The following RBFOX1 variants were observed in gnomAD, a reference collection of about 807,000 sequenced individuals.
RBFOX1 encodes the protein RNA binding fox-1 homolog 1.
RBFOX1 carries 8 observed loss-of-function variants against 57.7 expected under a neutral mutation model. The observed-to-expected ratio is 0.14, with a 90% confidence interval of 0.08 to 0.25. The LOEUF (loss-of-function observed/expected upper bound fraction) is 0.25, where lower values mean the gene tolerates loss of function less well. Among genes scored for constraint, RBFOX1 ranks in the 10% least tolerant of loss-of-function variants. RBFOX1 has a pLI of 1.00. For missense variants in RBFOX1, 611 were observed against 548.5 expected (o/e 1.11, Z -1.14); for synonymous variants, 326 against 222.4 (o/e 1.47, Z -4.15).
rs77170080 is a variant in RBFOX1, at chr16:5,354,989, A to G, written c.220-112227A>G. The stretch of plus-strand genomic sequence containing the variant: ...GATCAGCAGAGGTTGGAAGGGGTGA[A>G]GGGATGTGTATGTGTATATGAGAGA... On this transcript the variant is annotated intron_variant, in intron 1 of 2. Coordinates refer to the RBFOX1 transcript ENST00000585867. Among the ~76,000 whole-genome samples, 620 of 128,326 alleles carry G rather than the reference A, an allele frequency of 4.8e-3. 6 individuals carry two copies. The highest frequency in any genetic ancestry group is 0.015 in the African/African-American group (576 of 39,172). 84.2% of individuals were successfully genotyped at this position (128,326 alleles called of 152,430 possible). A position where few individuals can be genotyped will look rare whatever the true frequency, so the allele number is the denominator to read the frequency against.
intron 3 of RBFOX1, among the ~76,000 whole-genome samples, chr16:6,667,188 G>C (rs1051174096): frequency 6.6e-6 from 1 of 152,142 alleles, no homozygotes; most frequent in Admixed American, 6.5e-5. Flanking sequence ...ATTAGCCTCT[G>C]ATGGGCCGGA....
intron 3 of RBFOX1, among the ~76,000 whole-genome samples, chr16:6,804,706 C>G (rs116875359): frequency 1.3e-5 from 2 of 152,132 alleles, no homozygotes; most frequent in Non-Finnish European, 2.9e-5. Context: ...TCACACATGA[C>G]TGGGGCAGAA....
rs57684251 is a variant in RBFOX1 at position 6,871,911 on chromosome 16, C to CTGTGTGTGTG, written c.-15-180104_-15-180095dup. Among the ~76,000 whole-genome samples the CTGTGTGTGTG allele has an allele frequency of 4.1e-3, 535 of 129,654 alleles. 4 individuals are homozygous for CTGTGTGTGTG. Among genetic ancestry groups the CTGTGTGTGTG allele is most frequent in the South Asian group, 0.012 (44 of 3,586 alleles). 85.1% of individuals were successfully genotyped at this position (129,654 alleles called of 152,430 possible). A position where few individuals can be genotyped will look rare whatever the true frequency, so the allele number is the denominator to read the frequency against. On this transcript the variant is annotated intron_variant, in intron 3 of 15. Coordinates refer to ENST00000550418, the MANE Select transcript of RBFOX1 (RefSeq NM_018723.4). ...AGGCTCTTTGAGAGAGGGAGAGAGT[C>CTGTGTGTGTG]TGTGTGTGTGTGTGTGTGTGTGTGT...
chr16:6,126,306 C>G lies in RBFOX1; in HGVS notation c.-127+106314C>G, dbSNP rs114974908. Among the ~76,000 whole-genome samples the G allele has an allele frequency of 8.1e-3, 1,228 of 152,344 alleles. 16 individuals carry two copies. Among genetic ancestry groups the G allele is most frequent in the African/African-American group, 0.028 (1,180 of 41,580 alleles). On this transcript the variant is annotated intron_variant, in intron 1 of 15. Coordinates refer to ENST00000550418, the MANE Select transcript of RBFOX1 (RefSeq NM_018723.4). ...CCTTCGCAGGCCGTTGGTGTTAGCCCTCTCTTACCTTCCTACTGGTGCCAT... is the reference window on the plus strand; with the variant it reads ...CCTTCGCAGGCCGTTGGTGTTAGCCGTCTCTTACCTTCCTACTGGTGCCAT...
intron 4 of RBFOX1, among the ~76,000 whole-genome samples, chr16:7,232,845 T>C (rs2093577978): frequency 9.1e-6 from 1 of 109,610 alleles, no homozygotes. Context: ...TGAAACTTCA[T>C]CTCTTAATTA....
intron 11 of RBFOX1, among the ~76,000 whole-genome samples, chr16:7,636,194 C>CACTT (rs2061728289): frequency 6.6e-6 from 1 of 152,230 alleles, no homozygotes; most frequent in Non-Finnish European, 1.5e-5. Context: ...ATCCATTCTA[C>CACTT]ACTTAACATT....
intron 4 of RBFOX1, among the ~76,000 whole-genome samples, chr16:7,073,244 T>C (rs1051465581): frequency 1.3e-5 from 2 of 152,204 alleles, no homozygotes; most frequent in Non-Finnish European, 2.9e-5. Context: ...AATATGTGAC[T>C]GAGACTATTT....
At chr16:6,707,481 T>TTTG (rs781045329) in intron 3 of RBFOX1, among the ~76,000 whole-genome samples, 4 of 150,332 alleles carry the variant, frequency 2.7e-5, no homozygotes, top group East Asian at 1.9e-4. Context: ...CATTTTTGTT[T>TTTG]TTTTTTTTTT....
chr16:7,555,876 A>G (rs781779042), intron 5 of RBFOX1, among the ~76,000 whole-genome samples: 2 of 152,034 alleles, frequency 1.3e-5, no homozygotes, highest in African/African-American at 4.8e-5. Flanking sequence ...TGCTTCCAAC[A>G]TGCTCTGCAA....
chr16:5,289,841 C>G (rs1486263554), intron 1 of RBFOX1, among the ~76,000 whole-genome samples: 1 of 152,232 alleles, frequency 6.6e-6, no homozygotes, highest in Non-Finnish European at 1.5e-5. Context: ...AAAGCTTAAA[C>G]ACAGAGTTCT....
intron 3 of RBFOX1, among the ~76,000 whole-genome samples, chr16:6,663,990 G>T (rs1372908790): frequency 1.3e-5 from 2 of 152,196 alleles, no homozygotes; most frequent in Non-Finnish European, 2.9e-5. Flanking sequence ...ACCAGGAAGA[G>T]TATTATGTCC....
At chr16:7,595,758 TTATATA>T in intron 8 of RBFOX1, 117 bp downstream of exon 8, 7 of 390,922 alleles carry the variant, frequency 1.8e-5, no homozygotes, top group Non-Finnish European at 2.7e-5. Flanking sequence ...CCCTCATTGT[TTATATA>T]TATATATATA....
At chr16:7,261,349 C>G (rs1033734783) in intron 4 of RBFOX1, among the ~76,000 whole-genome samples, 3 of 152,210 alleles carry the variant, frequency 2.0e-5, no homozygotes, top group African/African-American at 7.2e-5. Flanking sequence ...ATCATCACTA[C>G]TACTGTCATG....
chr16:5,941,170 AG>A (rs1185894579), intron 4 of RBFOX1, among the ~76,000 whole-genome samples: 29 of 152,162 alleles, frequency 1.9e-4, no homozygotes, highest in African/African-American at 7.0e-4. Context: ...GTGTGGAGAA[AG>A]TCACTACAAT....
At chr16:5,622,779 A>C (rs574697023) in intron 3 of RBFOX1, among the ~76,000 whole-genome samples, 1 of 152,186 alleles carries the variant, frequency 6.6e-6, no homozygotes, top group Non-Finnish European at 1.5e-5. Context: ...TTGGCCCTCC[A>C]TATCTGGGGG....
chr16:7,577,927 G>T (rs1245007903), intron 5 of RBFOX1, among the ~76,000 whole-genome samples: 1 of 152,158 alleles, frequency 6.6e-6, no homozygotes, highest in Non-Finnish European at 1.5e-5. Context: ...ATGACAAAAT[G>T]ATTCTATTTA....
rs556613438 is a variant in RBFOX1, at chr16:6,539,274, C to A, written c.-63-115329C>A. 3.3e-5 allele frequency among the ~76,000 whole-genome samples: 5 copies of A among 152,230 alleles called. No homozygotes were observed. In the East Asian group the frequency reaches 5.8e-4, roughly 18 times the overall value. On this transcript the variant is annotated intron_variant, in intron 2 of 15. Coordinates refer to ENST00000550418, the MANE Select transcript of RBFOX1 (RefSeq NM_018723.4). ...TAGTGTGTATAAGCATGGGCAGGTC[C>A]TTCAATTTCCTTGTGCCTCTGTTTT...
At chr16:5,525,511 T>G (rs2044208382) in intron 2 of RBFOX1, among the ~76,000 whole-genome samples, 1 of 146,872 alleles carries the variant, frequency 6.8e-6, no homozygotes, top group Non-Finnish European at 1.5e-5. Flanking sequence ...TTTTTTTTTT[T>G]TTTTGAGACA....
At chr16:6,961,179 AAAAAG>A (rs1598443649) in intron 3 of RBFOX1, among the ~76,000 whole-genome samples, 1 of 152,028 alleles carries the variant, frequency 6.6e-6, no homozygotes. Context: ...GAAAGAAAGA[AAAAAG>A]AAAAGAAAGA....
Sources: allele counts gnomAD v4.1 joint callset (sites outside exome capture counted in the v4.1 genomes callset), GRCh38; gene constraint gnomAD v4.1.1; transcripts MANE v1.5; gene names NCBI Gene and HGNC (gene_info 2026-07-23, HGNC 2026-07-21).